The following ECD variants were observed in gnomAD, a reference collection of about 807,000 sequenced individuals.
ECD encodes the protein protein ecdysoneless homolog.
A neutral mutation model predicts 77.2 loss-of-function variants in ECD; 59 were observed. The ratio of observed to expected loss-of-function variants is 0.76; its 90% CI spans 0.62 to 0.95. ECD has a LOEUF of 0.95. Among genes scored for constraint, ECD ranks in the 40% least tolerant of loss-of-function variants. The pLI, the probability that ECD is intolerant of heterozygous loss-of-function variation, is 0.00. For synonymous variants in ECD, 233 were observed against 267.4 expected, an observed-to-expected ratio of 0.87 and a Z score of 1.26; for missense variants, 704 against 763.4, an observed-to-expected ratio of 0.92 and a Z score of 0.92.
rs189779912 is a variant in ECD at position 73,138,121 on chromosome 10, T to C, written c.1422-51A>G. 4.2e-4 allele frequency: 588 copies of C among 1,388,762 alleles called. 1 individual carries two copies. In the African/African-American group the frequency reaches 8.2e-3, roughly 19 times the overall value. 86.0% of individuals were successfully genotyped at this position (1,388,762 alleles called of 1,614,324 possible). A position where few individuals can be genotyped will look rare whatever the true frequency, so the allele number is the denominator to read the frequency against. ...TTAATTTATTCTAAATACAACTCTT[T>C]GAAACTTTTCTAAAGTGGTGCCATT... On this transcript the variant is annotated intron_variant, in intron 11 of 13. Coordinates refer to ENST00000372979, the MANE Select transcript of ECD (RefSeq NM_007265.3).
intron 6 of ECD, among the ~76,000 whole-genome samples, chr10:73,153,220 A>G (rs1033005279): frequency 2.0e-5 from 3 of 151,712 alleles, no homozygotes; most frequent in Non-Finnish European, 2.9e-5. Flanking sequence ...CAGCCTCCGA[A>G]GTAGCGGGGA....
At chr10:73,163,664 T>C in intron 2 of ECD, 69 bp downstream of exon 2, 1 of 1,476,658 alleles carries the variant, frequency 6.8e-7, no homozygotes, top group Non-Finnish European at 9.4e-7. Context: ...AAGCGTGGAC[T>C]ATTACACATC....
intron 7 of ECD, among the ~76,000 whole-genome samples, chr10:73,150,590 C>T (rs546967072): frequency 6.6e-6 from 1 of 152,242 alleles, no homozygotes; most frequent in East Asian, 1.9e-4. Flanking sequence ...AACAGGCAAC[C>T]TACAGAATGG....
intron 3 of ECD, among the ~76,000 whole-genome samples, chr10:73,157,777 C>G (rs1339462085): frequency 2.0e-5 from 3 of 151,614 alleles, no homozygotes; most frequent in Admixed American, 2.0e-4. Flanking sequence ...TTGTCCCTAT[C>G]TGCTCAACCC....
In ECD at chr10:73,163,740, A is replaced by C. The variant is rs987772647; in HGVS notation, c.198T>G (p.Pro66=). Reference sequence around the variant, plus strand: ...CAAGTAAAAGAGCCTTACCTTTCCCAGGTTTATATTTAAGATTGAAAGGCT... The same window carrying C: ...CAAGTAAAAGAGCCTTACCTTTCCCCGGTTTATATTTAAGATTGAAAGGCT... ...QNQPFNLKYK[P]GKGGVPAHMF... Residue 66 remains proline (P), a synonymous_variant, in exon 2 of 14, where the codon CCT becomes CCG. Transcript: ENST00000372979. The C allele has an allele frequency of 6.2e-7, 1 of 1,614,002 alleles. No homozygotes were observed. Among genetic ancestry groups the C allele is most frequent in the Non-Finnish European group, 8.5e-7 (1 of 1,179,964 alleles).
chr10:73,144,542 T>C (rs1589683208), intron 9 of ECD, among the ~76,000 whole-genome samples: 1 of 152,066 alleles, frequency 6.6e-6, no homozygotes, highest in African/African-American at 2.4e-5. Context: ...CTGGGAAGGG[T>C]AGCAGAGAGC....
chr10:73,134,458 A>G lies in ECD; in HGVS notation c.*125T>C, dbSNP rs1842954668. ...AGAGGGCCACATTTGGGGCTCATGGAGAAGTCAATCTGTAAAACTTGTAAT... is the reference window on the plus strand; with the variant it reads ...AGAGGGCCACATTTGGGGCTCATGGGGAAGTCAATCTGTAAAACTTGTAAT... On this transcript the variant is annotated 3_prime_UTR_variant, in exon 14 of 14. Transcript: ENST00000372979. 5 of 928,036 alleles carry G rather than the reference A, an allele frequency of 5.4e-6. No individual in the cohort carries two copies. Among genetic ancestry groups the G allele is most frequent in the South Asian group, 1.8e-5 (1 of 55,452 alleles). The allele number at this position is 928,036 out of a possible 1,614,324, so 57.5% of individuals were successfully genotyped here.
chr10:73,159,253 T>C (rs945615845), intron 3 of ECD, among the ~76,000 whole-genome samples: 11 of 152,400 alleles, frequency 7.2e-5, no homozygotes, highest in African/African-American at 2.6e-4. Context: ...TGGCAATACG[T>C]GGTTAATTAC....
intron 9 of ECD, among the ~76,000 whole-genome samples, chr10:73,142,734 G>A (rs1843075065): frequency 6.6e-6 from 1 of 151,870 alleles, no homozygotes; most frequent in Non-Finnish European, 1.5e-5. Context: ...AGAGGTGACT[G>A]CTTTCTCAAG....
chr10:73,154,867 G>C (rs1479209424), intron 5 of ECD, among the ~76,000 whole-genome samples: 1 of 151,846 alleles, frequency 6.6e-6, no homozygotes, highest in Non-Finnish European at 1.5e-5. Context: ...CCGGGAGGCA[G>C]AGGTTGCAGT....
At chr10:73,155,741 A>C (rs1843287399) in intron 5 of ECD, among the ~76,000 whole-genome samples, 1 of 151,778 alleles carries the variant, frequency 6.6e-6, no homozygotes, top group Non-Finnish European at 1.5e-5. Context: ...CTGAGATTAC[A>C]GGCACCTGCC....
Position 73,134,832 on chromosome 10 carries a change from A to G in ECD, c.1705-19T>C. ...CAGGTTCCTTATTCATAGAGGGAAA[A>G]GAAAATTATGGGCTAATGTATCATT... is the stretch of plus-strand genomic sequence containing the variant. On this transcript the variant is annotated intron_variant, in intron 13 of 13. Transcript: ENST00000372979. 6.2e-7 allele frequency: 1 copy of G among 1,603,116 alleles called. No homozygotes were observed. The highest frequency in any genetic ancestry group is 1.1e-5 in the South Asian group (1 of 90,794).
intron 10 of ECD, 42 bp from the exon 11 acceptor site, chr10:73,139,537 A>T: frequency 6.2e-7 from 1 of 1,604,846 alleles, no homozygotes; most frequent in Admixed American, 1.7e-5. Flanking sequence ...CTACATTCAC[A>T]TAAGTCCTCT....
chr10:73,156,806 A>C, intron 3 of ECD, 151 bp from the exon 4 acceptor site: 1 of 659,356 alleles, frequency 1.5e-6, no homozygotes, highest in Non-Finnish European at 2.6e-6. Flanking sequence ...AAAATATTTA[A>C]GATAACATTA....
intron 9 of ECD, 70 bp downstream of exon 9, chr10:73,146,206 T>A (rs1843126428): frequency 1.3e-6 from 1 of 752,994 alleles, no homozygotes; most frequent in Non-Finnish European, 1.9e-6. Context: ...GAATAATAAA[T>A]AATAAATAAA....
At chr10:73,159,929 C>T (rs553671111) in intron 3 of ECD, among the ~76,000 whole-genome samples, 2 of 150,988 alleles carry the variant, frequency 1.3e-5, no homozygotes, top group Non-Finnish European at 3.0e-5. Context: ...TGTGAGCCAC[C>T]GCGCCTGGCC....
At position 73,146,324 on chromosome 10, in the gene ECD, A is replaced by T. The variant is rs762212156; in HGVS notation, c.1079T>A (p.Leu360Gln). The stretch of plus-strand genomic sequence containing the variant: ...CTGGAAGTAATTCTCTGCCATTTCT[A>T]GCCTTTCCCGGTACTGAGCAGAACC... ...IEGSAQYRER[L>Q]EMAENYFQLS... is the part of the protein sequence containing the mutation. The change falls in exon 9 of 14, where the codon CTA becomes CAA. Residue 360 changes from leucine (L) to glutamine (Q), a missense_variant. Coordinates refer to ENST00000372979, the MANE Select transcript of ECD (RefSeq NM_007265.3). The T allele has an allele frequency of 4.7e-5, 75 of 1,611,028 alleles. No individual in the cohort carries two copies. In the Middle Eastern group the frequency reaches 8.3e-4, roughly 18 times the overall value.
At chr10:73,148,520 G>A in intron 7 of ECD, 116 bp from the exon 8 acceptor site, 6 of 1,102,628 alleles carry the variant, frequency 5.4e-6, no homozygotes, top group Non-Finnish European at 6.2e-6. Context: ...TGGATACATG[G>A]GCATTTGGAC....
Position 73,136,786 on chromosome 10 carries a change from T to A in ECD, c.1622A>T (p.Asn541Ile). 6.2e-7 allele frequency: 1 copy of A among 1,614,058 alleles called. No homozygotes were observed. Among genetic ancestry groups the A allele is most frequent in the Non-Finnish European group, 8.5e-7 (1 of 1,179,980 alleles). ...CATCTGGGCCATGTATGACTTGAGATTATCAAGTGTTCCTTTCAGGGAAGC... is the reference window on the plus strand; with the variant it reads ...CATCTGGGCCATGTATGACTTGAGAATATCAAGTGTTCCTTTCAGGGAAGC... ...EEASLKGTLD[N>I]LKSYMAQMDQ... The change falls in exon 13 of 14, where the codon AAT becomes ATT. Residue 541 changes from asparagine to isoleucine, a missense_variant. Asn to Ile is a moderately radical substitution (Grantham distance 149). Transcript: ENST00000372979.
Sources: gnomAD v4.1 joint callset for allele counts (sites outside exome capture counted in the v4.1 genomes callset) on GRCh38, gnomAD v4.1.1 for gene constraint, MANE v1.5 for transcripts, NCBI Gene and HGNC (gene_info 2026-07-23, HGNC 2026-07-21) for gene names.